Variants in CYYR1 observed in about 807,000 individuals in gnomAD.
CYYR1 encodes the protein cysteine and tyrosine-rich protein 1.
In CYYR1, 14 loss-of-function variants were observed where a neutral mutation model predicts 15.2. That is an observed-to-expected ratio of 0.92 (90% CI 0.61 to 1.44). The LOEUF (loss-of-function observed/expected upper bound fraction) is 1.44. CYYR1 is among the 40% of genes most tolerant of loss of function. The probability of loss-of-function intolerance (pLI) is 0.00; values close to 1 mark genes in which losing one functional copy is unlikely to be tolerated. For synonymous variants in CYYR1, 80 were observed against 77.4 expected (o/e 1.03, Z -0.18); for missense variants, 228 against 209.5 (o/e 1.09, Z -0.54).
At chr21:26,489,860 A>G (rs2065303315) in intron 2 of CYYR1, among the ~76,000 whole-genome samples, 1 of 152,190 alleles carries the variant, frequency 6.6e-6, no homozygotes, top group Admixed American at 6.6e-5. Flanking sequence ...GAGATGCTAT[A>G]TCAACTCCTG....
chr21:26,474,429 A>G (rs1178308380), intron 3 of CYYR1, among the ~76,000 whole-genome samples: 1 of 90,096 alleles, frequency 1.1e-5, no homozygotes, highest in Non-Finnish European at 2.2e-5. Flanking sequence ...TTTTTTTTTT[A>G]ACAGAGTAGG....
intron 2 of CYYR1, among the ~76,000 whole-genome samples, chr21:26,495,100 C>A (rs942337780): frequency 1.3e-5 from 2 of 152,054 alleles, no homozygotes; most frequent in African/African-American, 4.8e-5. Flanking sequence ...GCTGTGTAGA[C>A]TGGGAGAATT....
intron 2 of CYYR1, among the ~76,000 whole-genome samples, chr21:26,520,523 AGT>A (rs1231029238): frequency 6.6e-6 from 1 of 152,144 alleles, no homozygotes; most frequent in African/African-American, 2.4e-5. Flanking sequence ...TATTGTAAAT[AGT>A]GCTTCAGTAA....
chr21:26,490,429 C>T (rs170178), intron 2 of CYYR1, among the ~76,000 whole-genome samples: 126,733 of 152,092 alleles, frequency 0.83, 53,607 homozygotes, highest in Non-Finnish European at 0.88. Context: ...TACTAGATAG[C>T]AAACAAAGAG....
chr21:26,526,673 A>C (rs222934), intron 2 of CYYR1, among the ~76,000 whole-genome samples: 48,879 of 152,012 alleles, frequency 0.32, 8,649 homozygotes, highest in African/African-American at 0.48. Flanking sequence ...TCAGGAACAC[A>C]TCTTTCTTCC....
chr21:26,560,404 T>C (rs1980115109), intron 2 of CYYR1, among the ~76,000 whole-genome samples: 1 of 152,114 alleles, frequency 6.6e-6, no homozygotes, highest in Non-Finnish European at 1.5e-5. Context: ...TTCCAGTCTT[T>C]ATTACCTTTT....
rs2064988787 is a variant in CYYR1 at position 26,467,954 on chromosome 21, T to A, written c.*547A>T. The A allele has an allele frequency of 1.2e-5, 2 of 162,340 alleles. No homozygotes were observed. Among genetic ancestry groups the A allele is most frequent in the Non-Finnish European group, 2.7e-5 (2 of 73,276 alleles). 10.1% of individuals were successfully genotyped at this position (162,340 alleles called of 1,614,324 possible). On this transcript the variant is annotated 3_prime_UTR_variant, in exon 4 of 4. Coordinates refer to ENST00000652641, the MANE Select transcript of CYYR1 (RefSeq NM_001320768.2). ...ACAAAGCAATCTAGTCATTGCTCTTTCTTGTACTAAAACCAGAGTACCCGT... is the reference window on the plus strand; with the variant it reads ...ACAAAGCAATCTAGTCATTGCTCTTACTTGTACTAAAACCAGAGTACCCGT...
At chr21:26,521,913 T>G (rs1439632825) in intron 2 of CYYR1, among the ~76,000 whole-genome samples, 1 of 152,230 alleles carries the variant, frequency 6.6e-6, no homozygotes, top group Non-Finnish European at 1.5e-5. Flanking sequence ...TACTGTCTCC[T>G]TTGTAGCTGT....
At chr21:26,528,275 A>G (rs1232020068) in intron 2 of CYYR1, among the ~76,000 whole-genome samples, 1 of 152,062 alleles carries the variant, frequency 6.6e-6, no homozygotes, top group Non-Finnish European at 1.5e-5. Flanking sequence ...TATGATTTGG[A>G]TATGTGTCCC....
chr21:26,561,313 GT>G (rs11358960), intron 2 of CYYR1, among the ~76,000 whole-genome samples: 22,655 of 143,028 alleles, frequency 0.16, 1,794 homozygotes, highest in African/African-American at 0.19. Context: ...AATTTAAATG[GT>G]TTTTTTTTTT....
Position 26,468,712 on chromosome 21 carries a change from A to G in CYYR1, c.335-78T>C, listed in dbSNP as rs191029310. The G allele has an allele frequency of 2.3e-5, 26 of 1,113,558 alleles. No homozygotes were observed. The East Asian group carries it at 6.0e-4, about 25-fold the overall frequency. The allele number at this position is 1,113,558 out of a possible 1,614,324, so 69.0% of individuals were successfully genotyped here. On this transcript the variant is annotated intron_variant, in intron 3 of 3. Coordinates refer to ENST00000652641, the MANE Select transcript of CYYR1 (RefSeq NM_001320768.2). ...TACTGTGTTGAAGCCACTGGGCTAG[A>G]TACTTTGGGAGGGGACATAAATTGT...
chr21:26,484,287 A>C (rs998267828), intron 2 of CYYR1, among the ~76,000 whole-genome samples: 1 of 152,096 alleles, frequency 6.6e-6, no homozygotes, highest in African/African-American at 2.4e-5. Context: ...AAAACTCTGA[A>C]AACTGAAAGT....
At chr21:26,506,420 T>A (rs563501190) in intron 2 of CYYR1, 1 of 152,300 alleles carries the variant, frequency 6.6e-6, no homozygotes, top group Non-Finnish European at 1.5e-5. Context: ...CTGTTATTTT[T>A]GACTGTCATT....
intron 2 of CYYR1, among the ~76,000 whole-genome samples, chr21:26,488,095 T>C (rs968687702): frequency 6.7e-6 from 1 of 150,140 alleles, no homozygotes; most frequent in African/African-American, 2.5e-5. Flanking sequence ...TGGAAACTAA[T>C]ATCTCTTTGA....
intron 2 of CYYR1, among the ~76,000 whole-genome samples, chr21:26,543,233 G>A (rs1347125617): frequency 6.6e-6 from 1 of 152,098 alleles, no homozygotes; most frequent in Non-Finnish European, 1.5e-5. Context: ...GCTAATGCAC[G>A]CCGGGCTTAA....
chr21:26,518,086 G>C (rs554428783), intron 2 of CYYR1, among the ~76,000 whole-genome samples: 30 of 152,298 alleles, frequency 2.0e-4, no homozygotes, highest in Non-Finnish European at 4.0e-4. Context: ...GTTAAGAAAG[G>C]AGTGATTTCA....
At chr21:26,570,966 CTGAT>C (rs1227873680) in intron 1 of CYYR1, among the ~76,000 whole-genome samples, 1 of 152,208 alleles carries the variant, frequency 6.6e-6, no homozygotes, top group African/African-American at 2.4e-5. Flanking sequence ...TGAGCAAATA[CTGAT>C]TGATCTTTTT....
intron 2 of CYYR1, chr21:26,482,311 C>T (rs1041629884): frequency 3.1e-6 from 3 of 982,118 alleles, no homozygotes; most frequent in Non-Finnish European, 3.6e-6. Context: ...TTTCCATATA[C>T]ATATTGATAT....
chr21:26,549,222 T>C (rs1979202941), intron 2 of CYYR1, among the ~76,000 whole-genome samples: 3 of 152,200 alleles, frequency 2.0e-5, no homozygotes, highest in Admixed American at 1.3e-4. Context: ...ACTTTTTTCA[T>C]GTACCCAGAA....
Sources: allele counts gnomAD v4.1 joint callset (sites outside exome capture counted in the v4.1 genomes callset), GRCh38; gene constraint gnomAD v4.1.1; transcripts MANE v1.5; gene names NCBI Gene and HGNC (gene_info 2026-07-23, HGNC 2026-07-21).